NLN: variants seen among roughly 807,000 people sequenced by gnomAD.
NLN encodes neurolysin, mitochondrial.
In NLN, 64 loss-of-function variants were observed where a neutral mutation model predicts 79.9. That is an observed-to-expected ratio of 0.80 (90% CI 0.65 to 0.99). The LOEUF (loss-of-function observed/expected upper bound fraction) is 0.99, where lower values mean the gene tolerates loss of function less well. NLN is among the 50% of genes least tolerant of loss of function. NLN has a pLI of 0.00. For synonymous variants in NLN, 267 were observed against 296.6 expected (o/e 0.90, Z 1.02); for missense variants, 835 against 858.7 (o/e 0.97, Z 0.34).
At chr5:65,811,260 T>G (rs1760538854) in intron 11 of NLN, among the ~76,000 whole-genome samples, 1 of 152,236 alleles carries the variant, frequency 6.6e-6, no homozygotes, top group East Asian at 1.9e-4. Flanking sequence ...TGAGTCATTC[T>G]AGGCTCCCCA....
At chr5:65,794,473 C>CA (rs1425050925) in intron 9 of NLN, among the ~76,000 whole-genome samples, 1 of 152,086 alleles carries the variant, frequency 6.6e-6, no homozygotes, top group East Asian at 1.9e-4. Context: ...GGTATGATGA[C>CA]ACACACCTGT....
At chr5:65,726,106 C>T (rs13172235) in intron 1 of NLN, among the ~76,000 whole-genome samples, 29,937 of 121,092 alleles carry the variant, frequency 0.25, 3,710 homozygotes, top group South Asian at 0.4. Flanking sequence ...AGCGAGACTC[C>T]GTCTCAAAAA....
rs1759370386 is a variant in NLN at position 65,762,964 on chromosome 5, A to G, written c.306A>G (p.Glu102=). The change falls in exon 3 of 13, where the codon GAA becomes GAG. Residue 102 remains glutamate (E), a synonymous_variant. Transcript: ENST00000380985. The part of the protein sequence containing the change: ...LADVEVKYIV[E]RTMLDFPQHV... ...AGTTTTTTTCTCCATCTGCAGTGGA[A>G]AGGACCATGCTAGACTTTCCCCAGC... The G allele has an allele frequency of 6.2e-7, 1 of 1,613,614 alleles. No individual in the cohort carries two copies. The highest frequency in any genetic ancestry group is 2.2e-5 in the East Asian group (1 of 44,858).
chr5:65,816,612 C>T (rs1478696238), intron 12 of NLN, among the ~76,000 whole-genome samples: 3 of 151,838 alleles, frequency 2.0e-5, no homozygotes, highest in African/African-American at 7.3e-5. Flanking sequence ...GCCACAACCA[C>T]AGAGTGTTAT....
At position 65,794,559 on chromosome 5, in the gene NLN, C is replaced by T. The variant is rs538623548; in HGVS notation, c.1527+1904C>T. Among the ~76,000 whole-genome samples, 7 of 151,756 alleles carry T rather than the reference C, an allele frequency of 4.6e-5. No homozygotes were observed. In the East Asian group the frequency reaches 7.8e-4, roughly 17 times the overall value. ...GGTCGAGGCTGCGGTGAGCTGTGAT[C>T]GCGCCACTGCTCTCCAGCCTGGGTG... is the stretch of plus-strand genomic sequence containing the variant. On this transcript the variant is annotated intron_variant, in intron 9 of 12. Transcript: ENST00000380985.
Position 65,742,244 on chromosome 5 carries a change from AAG to A in NLN, c.42-16320_42-16319del, listed in dbSNP as rs139117272. ...AAATGGATCATAAACATTTTGTAAA[AAG>A]AGTTGAAAATAATCATTGTTCTTAA... On this transcript the variant is annotated intron_variant, in intron 1 of 12. Coordinates refer to ENST00000380985, the MANE Select transcript of NLN (RefSeq NM_020726.5). Among the ~76,000 whole-genome samples the A allele has an allele frequency of 9.4e-3, 1,405 of 149,430 alleles. 21 individuals carry two copies. The highest frequency in any genetic ancestry group is 0.032 in the African/African-American group (1,294 of 40,346).
At chr5:65,788,007 C>A (rs933948658) in intron 7 of NLN, 111 bp from the exon 8 acceptor site, 3 of 1,015,868 alleles carry the variant, frequency 3.0e-6, no homozygotes, top group African/African-American at 3.2e-5. Context: ...CCTTATTTAT[C>A]TGTATTGAGT....
At chr5:65,779,473 A>T (rs914833933) in intron 4 of NLN, among the ~76,000 whole-genome samples, 8 of 152,190 alleles carry the variant, frequency 5.3e-5, no homozygotes, top group Admixed American at 2.0e-4. Context: ...AAGCTCTATA[A>T]AACTAAAACA....
chr5:65,782,692 A>G lies in NLN; in HGVS notation c.822+1271A>G, dbSNP rs550667217. ...TCCAACCATCTGAAGATTGTAGGCC[A>G]TAGGCAGAACCTCCCTGAGCAGAAT... On this transcript the variant is annotated intron_variant, in intron 6 of 12. Transcript: ENST00000380985. Among the ~76,000 whole-genome samples the G allele has an allele frequency of 7.9e-5, 12 of 152,350 alleles. No individual in the cohort carries two copies. In the South Asian group the frequency reaches 8.3e-4, roughly 11 times the overall value.
chr5:65,781,263 G>A lies in NLN; in HGVS notation c.664G>A (p.Ala222Thr). The A allele has an allele frequency of 6.2e-7, 1 of 1,602,696 alleles. No individual in the cohort carries two copies. The highest frequency in any genetic ancestry group is 8.5e-7 in the Non-Finnish European group (1 of 1,174,292). ...TATGAGAAAATGATTTTTTGCAGGT[G>A]CTCTTCCTGATGATTTCATTGACAG... ...FLVFSKAELG[A>T]LPDDFIDSLE... Residue 222 changes from alanine (A) to threonine (T), a missense_variant and splice_region_variant, in exon 6 of 13, where the codon GCT (alanine) becomes ACT (threonine). Coordinates refer to ENST00000380985, the MANE Select transcript of NLN (RefSeq NM_020726.5).
intron 12 of NLN, among the ~76,000 whole-genome samples, chr5:65,816,846 G>A (rs1469093953): frequency 6.6e-6 from 1 of 152,170 alleles, no homozygotes; most frequent in African/African-American, 2.4e-5. Context: ...TAATGTGTGT[G>A]TGGGTCATTT....
intron 3 of NLN, 126 bp from the exon 4 acceptor site, chr5:65,777,301 C>A: frequency 1.5e-6 from 1 of 682,436 alleles, no homozygotes; most frequent in Non-Finnish European, 2.6e-6. Context: ...ATAGGGCCTG[C>A]CTCGTAATCA....
intron 9 of NLN, among the ~76,000 whole-genome samples, chr5:65,797,536 G>A (rs1040798768): frequency 1.3e-5 from 2 of 152,218 alleles, no homozygotes; most frequent in African/African-American, 4.8e-5. Flanking sequence ...GGACCTGGCT[G>A]TATGACTTGG....
intron 3 of NLN, among the ~76,000 whole-genome samples, chr5:65,773,404 A>C (rs1218989207): frequency 1.3e-5 from 2 of 152,104 alleles, no homozygotes; most frequent in Non-Finnish European, 2.9e-5. Flanking sequence ...CAGTGTTGGG[A>C]TTATAGGCGT....
chr5:65,788,425 TG>T lies in NLN; in HGVS notation c.1267del (p.Val423Ter). 3 of 1,613,888 alleles carry T rather than the reference TG, an allele frequency of 1.9e-6. No individual in the cohort carries two copies. Among genetic ancestry groups the T allele is most frequent in the Non-Finnish European group, 2.5e-6 (3 of 1,179,724 alleles). ...VWNKSVTLYTVKDKATGEVLG... is the reference protein window; with the variant it reads ...VWNKSVTLYTXKDKATGEVLG... ...GGAACAAGAGTGTTACACTTTATACTGTGAAGGATAAAGCTACAGGAGAAGT... is the reference window on the plus strand; with the variant it reads ...GGAACAAGAGTGTTACACTTTATACTTGAAGGATAAAGCTACAGGAGAAGT... On this transcript the variant is annotated frameshift_variant, in exon 8 of 13. Transcript: ENST00000380985. LOFTEE classifies it high-confidence loss of function.
intron 1 of NLN, among the ~76,000 whole-genome samples, chr5:65,744,930 A>C (rs1215571881): frequency 1.3e-5 from 2 of 152,178 alleles, no homozygotes; most frequent in Admixed American, 6.5e-5. Flanking sequence ...TAAAAGATGT[A>C]GATTATTTGT....
chr5:65,795,742 T>C (rs1760161204), intron 9 of NLN, among the ~76,000 whole-genome samples: 1 of 152,212 alleles, frequency 6.6e-6, no homozygotes, highest in African/African-American at 2.4e-5. Context: ...CTGAAATATT[T>C]ATCGTGTGGA....
chr5:65,806,644 A>G (rs571532030), intron 9 of NLN, among the ~76,000 whole-genome samples: 13 of 152,314 alleles, frequency 8.5e-5, no homozygotes, highest in African/African-American at 2.4e-4. Context: ...TTTATATGCA[A>G]TCTACTCCTG....
intron 12 of NLN, among the ~76,000 whole-genome samples, chr5:65,819,624 G>T (rs1428640175): frequency 6.6e-6 from 1 of 152,222 alleles, no homozygotes; most frequent in East Asian, 1.9e-4. Flanking sequence ...TTTACTGTAT[G>T]CAGATCTTCC....
Sources: allele counts gnomAD v4.1 joint callset (sites outside exome capture counted in the v4.1 genomes callset), GRCh38; gene constraint gnomAD v4.1.1; transcripts MANE v1.5; gene names NCBI Gene and HGNC (gene_info 2026-07-23, HGNC 2026-07-21).